Variants in CNTNAP2 observed in about 807,000 individuals in gnomAD.
The protein encoded by CNTNAP2 is contactin-associated protein-like 2.
Under a neutral mutation model 155.2 loss-of-function variants are expected in CNTNAP2, and 98 were observed. That is an observed-to-expected ratio of 0.63 (90% CI 0.54 to 0.75). The LOEUF is 0.75. Among genes scored for constraint, CNTNAP2 ranks in the 30% least tolerant of loss-of-function variants. The pLI is 0.00. For synonymous variants in CNTNAP2, 651 were observed against 631.2 expected, an observed-to-expected ratio of 1.03 and a Z score of -0.47; for missense variants, 1,727 against 1,688.1, an observed-to-expected ratio of 1.02 and a Z score of -0.40.
At chr7:148,247,643 A>ATTTTTTTTTTTTTTTTTTTTTTT (rs1563010572) in intron 20 of CNTNAP2, among the ~76,000 whole-genome samples, 1 of 129,720 alleles carries the variant, frequency 7.7e-6, no homozygotes, top group African/African-American at 3.1e-5. Context: ...TTATTTATTT[A>ATTTTTTTTTTTTTTTTTTTTTTT]TTTATTTATT....
intron 1 of CNTNAP2, among the ~76,000 whole-genome samples, chr7:146,587,965 C>T (rs1408725696): frequency 5.3e-5 from 8 of 151,282 alleles, no homozygotes; most frequent in African/African-American, 1.7e-4. Context: ...TGAGCCACTG[C>T]GCCCGGCCTG....
At position 148,416,203 on chromosome 7, in the gene CNTNAP2, G is replaced by T. The variant is rs1029323137; in HGVS notation, c.*587G>T. On this transcript the variant is annotated 3_prime_UTR_variant, in exon 24 of 24. Coordinates refer to ENST00000361727, the MANE Select transcript of CNTNAP2 (RefSeq NM_014141.6). Reference sequence around the variant, plus strand: ...GAGCTCAATCTATGCCAGCTCTCTGGCATCTGGGGTTCCTGACTGATACCA... The same window carrying T: ...GAGCTCAATCTATGCCAGCTCTCTGTCATCTGGGGTTCCTGACTGATACCA... 1 of 151,612 alleles carries T rather than the reference G, an allele frequency of 6.6e-6. No homozygotes were observed. Among genetic ancestry groups the T allele is most frequent in the African/African-American group, 2.5e-5 (1 of 39,280 alleles). The allele number at this position is 151,612 out of a possible 1,614,324, so 9.4% of individuals were successfully genotyped here.
rs144842680 is a variant in CNTNAP2 at position 147,943,766 on chromosome 7, CAAAAAAAAAAAAA to C, written c.2256-34076_2256-34064del. Among the ~76,000 whole-genome samples the C allele has an allele frequency of 2.0e-3, 82 of 40,166 alleles. 1 individual carries two copies. The South Asian group carries it at 0.048, about 23-fold the overall frequency. 26.4% of individuals were successfully genotyped at this position (40,166 alleles called of 152,430 possible). On this transcript the variant is annotated intron_variant, in intron 14 of 23. Coordinates refer to ENST00000361727, the MANE Select transcript of CNTNAP2 (RefSeq NM_014141.6). ...TGAGCAACAAAGTGAGACCCCGTCT[CAAAAAAAAAAAAA>C]AAAAAAAAAAAAAAAAAAAGCCTCT...
chr7:146,526,292 A>G (rs1797690697), intron 1 of CNTNAP2, among the ~76,000 whole-genome samples: 1 of 152,128 alleles, frequency 6.6e-6, no homozygotes, highest in Admixed American at 6.6e-5. Flanking sequence ...TTGCTATAGG[A>G]AATTCCTAAG....
rs1795924652 is a variant in CNTNAP2, at chr7:147,348,926, C to G, written c.1499-46683C>G. Among the ~76,000 whole-genome samples, 3 of 151,778 alleles carry G rather than the reference C, an allele frequency of 2.0e-5. No homozygotes were observed. In the South Asian group the frequency reaches 6.2e-4, roughly 31 times the overall value. On this transcript the variant is annotated intron_variant, in intron 9 of 23. Transcript: ENST00000361727. ...ACATGTTCTCACTCATAAGTGCAAG[C>G]TTAAAAATGTTGATCTCATAGAAGT...
intron 13 of CNTNAP2, among the ~76,000 whole-genome samples, chr7:147,860,629 T>G (rs1292216548): frequency 4.6e-5 from 7 of 151,054 alleles, no homozygotes; most frequent in East Asian, 2.0e-4. Flanking sequence ...CTCCTTGCTC[T>G]CTCTCTCTCT....
At chr7:147,912,861 T>G (rs1309613198) in intron 14 of CNTNAP2, among the ~76,000 whole-genome samples, 1 of 152,146 alleles carries the variant, frequency 6.6e-6, no homozygotes, top group East Asian at 1.9e-4. Context: ...AAGGAGGAAA[T>G]TCCCAGCTTA....
chr7:147,068,375 C>T (rs1799823847), intron 4 of CNTNAP2, among the ~76,000 whole-genome samples: 1 of 151,822 alleles, frequency 6.6e-6, no homozygotes, highest in Non-Finnish European at 1.5e-5. Flanking sequence ...TTGTTTTTTC[C>T]AAGACATAGT....
rs71188974 is a variant in CNTNAP2 at position 148,351,744 on chromosome 7, C to CAAAAAAAAAAAAAAAAAAAAAAAAAAA, written c.3476-31889_3476-31888insAAAAAAAAAAAAAAAAAAAAAAAAAAA. Among the ~76,000 whole-genome samples, 30 of 85,394 alleles carry CAAAAAAAAAAAAAAAAAAAAAAAAAAA rather than the reference C, an allele frequency of 3.5e-4. 2 individuals are homozygous for CAAAAAAAAAAAAAAAAAAAAAAAAAAA. Among genetic ancestry groups the CAAAAAAAAAAAAAAAAAAAAAAAAAAA allele is most frequent in the Non-Finnish European group, 3.3e-4 (16 of 48,406 alleles). The allele number at this position is 85,394 out of a possible 152,430, so 56.0% of individuals were successfully genotyped here. A position where few individuals can be genotyped will look rare whatever the true frequency, so the allele number is the denominator to read the frequency against. On this transcript the variant is annotated intron_variant, in intron 21 of 23. Transcript: ENST00000361727. ...GGCAACAGAGTGAGACTCTGTCTCA[C>CAAAAAAAAAAAAAAAAAAAAAAAAAAA]AAAAAAAAAAAAAAAATAGAAACCG...
intron 12 of CNTNAP2, among the ~76,000 whole-genome samples, chr7:147,583,864 T>C (rs1026796697): frequency 6.6e-6 from 1 of 152,098 alleles, no homozygotes; most frequent in African/African-American, 2.4e-5. Context: ...TTACTATCGG[T>C]AGCATCTCAC....
At chr7:146,301,087 C>A (rs938517598) in intron 1 of CNTNAP2, among the ~76,000 whole-genome samples, 1 of 152,116 alleles carries the variant, frequency 6.6e-6, no homozygotes, top group South Asian at 2.1e-4. Flanking sequence ...GGAGGGATTT[C>A]CTTAAGAGAC....
At chr7:147,242,035 C>T (rs974158811) in intron 8 of CNTNAP2, among the ~76,000 whole-genome samples, 1 of 152,208 alleles carries the variant, frequency 6.6e-6, no homozygotes, top group East Asian at 1.9e-4. Context: ...AAACTGCCGA[C>T]TGTCCTCTTG....
At chr7:146,201,639 AGTGTGTGTGTGTGT>A (rs57595774) in intron 1 of CNTNAP2, among the ~76,000 whole-genome samples, 18 of 146,788 alleles carry the variant, frequency 1.2e-4, no homozygotes, top group South Asian at 2.2e-4. Flanking sequence ...ATGTCCCACG[AGTGTGTGTGTGTGT>A]GTGTGTGTGT....
chr7:147,725,468 A>G (rs1796625661), intron 13 of CNTNAP2, among the ~76,000 whole-genome samples: 1 of 152,116 alleles, frequency 6.6e-6, no homozygotes. Flanking sequence ...GCGTTTTTAT[A>G]TTAAAGCCCT....
At chr7:146,965,666 G>A (rs1175000250) in intron 3 of CNTNAP2, among the ~76,000 whole-genome samples, 2 of 152,010 alleles carry the variant, frequency 1.3e-5, no homozygotes, top group South Asian at 4.1e-4. Flanking sequence ...TTAAATTATA[G>A]AATAAGATAA....
chr7:148,232,946 C>G (rs1225211802), intron 20 of CNTNAP2, among the ~76,000 whole-genome samples: 1 of 152,196 alleles, frequency 6.6e-6, no homozygotes, highest in Non-Finnish European at 1.5e-5. Flanking sequence ...AGACAAAGTA[C>G]CCAGTCTCCA....
intron 1 of CNTNAP2, among the ~76,000 whole-genome samples, chr7:146,370,798 G>A (rs1023626247): frequency 6.6e-6 from 1 of 152,016 alleles, no homozygotes; most frequent in African/African-American, 2.4e-5. Context: ...GAATAATTTG[G>A]TGATTTATAT....
At chr7:146,219,386 G>T (rs1156686247) in intron 1 of CNTNAP2, among the ~76,000 whole-genome samples, 1 of 152,134 alleles carries the variant, frequency 6.6e-6, no homozygotes, top group Non-Finnish European at 1.5e-5. Flanking sequence ...TTATAATGCT[G>T]TTTGTAAAAA....
At chr7:147,003,315 A>T (rs1244991269) in intron 3 of CNTNAP2, among the ~76,000 whole-genome samples, 1 of 151,798 alleles carries the variant, frequency 6.6e-6, no homozygotes, top group Non-Finnish European at 1.5e-5. Flanking sequence ...GACTACTAAA[A>T]CATAAGAATA....
Sources: gnomAD v4.1 joint callset for allele counts (sites outside exome capture counted in the v4.1 genomes callset) on GRCh38, gnomAD v4.1.1 for gene constraint, MANE v1.5 for transcripts, NCBI Gene and HGNC (gene_info 2026-07-23, HGNC 2026-07-21) for gene names.